The following ATP8B1 variants were observed in gnomAD, a reference collection of about 807,000 sequenced individuals.
The protein encoded by ATP8B1 is ATPase phospholipid transporting 8B1.
ATP8B1 carries 80 observed loss-of-function variants against 149.9 expected under a neutral mutation model. That is an observed-to-expected ratio of 0.53 (90% CI 0.45 to 0.64). ATP8B1 has a LOEUF of 0.64. Among genes scored for constraint, ATP8B1 ranks in the 30% least tolerant of loss-of-function variants. The pLI is 0.00. For synonymous variants in ATP8B1, 536 were observed against 562.8 expected (o/e 0.95, Z 0.67); for missense variants, 1,247 against 1,552.6 (o/e 0.80, Z 3.31).
intron 1 of ATP8B1, among the ~76,000 whole-genome samples, chr18:57,794,165 TG>T (rs2080488811): frequency 6.6e-6 from 1 of 152,232 alleles, no homozygotes; most frequent in Admixed American, 6.5e-5. Flanking sequence ...TGTTTTGTTT[TG>T]TTTTACTTTA....
chr18:57,799,616 C>T (rs941024913), intron 1 of ATP8B1, among the ~76,000 whole-genome samples: 15 of 149,284 alleles, frequency 1.0e-4, no homozygotes, highest in African/African-American at 3.5e-4. Context: ...GGCTGAGACA[C>T]GAGAATTGCT....
intron 13 of ATP8B1, among the ~76,000 whole-genome samples, chr18:57,686,345 G>C (rs1029155767): frequency 6.6e-6 from 1 of 151,854 alleles, no homozygotes; most frequent in Non-Finnish European, 1.5e-5. Flanking sequence ...TTTTTTGTTT[G>C]ATTTTTTTGA....
At chr18:57,800,700 GATA>G (rs2080565440) in intron 1 of ATP8B1, among the ~76,000 whole-genome samples, 1 of 152,206 alleles carries the variant, frequency 6.6e-6, no homozygotes, top group African/African-American at 2.4e-5. Context: ...CAAAGAGATT[GATA>G]ATATCTTTTC....
At chr18:57,683,920 A>T (rs1242873042) in intron 15 of ATP8B1, 116 bp downstream of exon 15, 1 of 1,324,336 alleles carries the variant, frequency 7.6e-7, no homozygotes. Context: ...TATTCACTGC[A>T]TTCTAATATG....
At chr18:57,773,341 T>C (rs922722131) in intron 1 of ATP8B1, among the ~76,000 whole-genome samples, 1 of 152,146 alleles carries the variant, frequency 6.6e-6, no homozygotes, top group African/African-American at 2.4e-5. Context: ...AGGCGGAGGC[T>C]AATAAGGTGG....
At chr18:57,742,462 T>G (rs1005622409) in intron 1 of ATP8B1, among the ~76,000 whole-genome samples, 2 of 152,096 alleles carry the variant, frequency 1.3e-5, no homozygotes, top group African/African-American at 4.8e-5. Context: ...TTACATATGA[T>G]AGAAAAGGCT....
intron 2 of ATP8B1, among the ~76,000 whole-genome samples, chr18:57,716,459 A>C (rs2079583858): frequency 6.6e-6 from 1 of 152,012 alleles, no homozygotes; most frequent in Non-Finnish European, 1.5e-5. Context: ...TACAACAGAC[A>C]CTCCACCTGG....
intron 24 of ATP8B1, among the ~76,000 whole-genome samples, chr18:57,653,591 G>T (rs317824): frequency 0.31 from 46,701 of 151,200 alleles, 7,289 homozygotes; most frequent in East Asian, 0.4. Flanking sequence ...CTGCCTTCAG[G>T]TATCTTCATA....
At chr18:57,756,204 T>C (rs879558233) in intron 1 of ATP8B1, among the ~76,000 whole-genome samples, 2,486 of 84,158 alleles carry the variant, frequency 0.03, 67 homozygotes, top group East Asian at 0.083. Flanking sequence ...TATATATATA[T>C]ATATATACAC....
At chr18:57,729,016 G>A (rs4940519) in intron 2 of ATP8B1, among the ~76,000 whole-genome samples, 20,871 of 151,958 alleles carry the variant, frequency 0.14, 1,582 homozygotes, top group South Asian at 0.27. Flanking sequence ...CGCCGCACCC[G>A]GCCAAGACTG....
chr18:57,743,341 C>A (rs1009784671), intron 1 of ATP8B1, among the ~76,000 whole-genome samples: 11 of 152,098 alleles, frequency 7.2e-5, no homozygotes, highest in African/African-American at 2.4e-4. Flanking sequence ...CACCTACTTC[C>A]CTCCCTTCCC....
In ATP8B1 at chr18:57,704,673, T is replaced by G. The variant is rs748557268; in HGVS notation, c.280-5A>C. The G allele has an allele frequency of 1.0e-5, 16 of 1,550,990 alleles. 1 individual carries two copies. In the South Asian group the frequency reaches 1.7e-4, roughly 16 times the overall value. On this transcript the variant is annotated splice_polypyrimidine_tract_variant and splice_region_variant and intron_variant, in intron 3 of 27. Transcript: ENST00000648908. ...GTATGTTTTAATTGCATTATTCTGT[T>G]GGAAAAAATAAGAGTCATTCTAAAT...
chr18:57,661,674 T>TACAAAC (rs1360057007), intron 21 of ATP8B1, among the ~76,000 whole-genome samples: 2 of 39,598 alleles, frequency 5.1e-5, no homozygotes, highest in South Asian at 2.2e-3. Context: ...TGTGTATGTA[T>TACAAAC]ATACACACAC....
Position 57,721,516 on chromosome 18 carries a change from G to C in ATP8B1, c.181+10111C>G, listed in dbSNP as rs547919141. On this transcript the variant is annotated intron_variant, in intron 2 of 27. Coordinates refer to ENST00000648908, the MANE Select transcript of ATP8B1 (RefSeq NM_001374385.1). ...AGACAAAGAAGGCCATTACATAATG[G>C]TAAAGGGATCAATTCGACAAGAAGA... Among the ~76,000 whole-genome samples the C allele has an allele frequency of 2.1e-3, 321 of 151,876 alleles. 2 individuals are homozygous for C. The highest frequency in any genetic ancestry group is 7.2e-3 in the African/African-American group (297 of 41,292).
chr18:57,713,200 C>CTTTTTCT, intron 2 of ATP8B1, among the ~76,000 whole-genome samples: 2 of 60,720 alleles, frequency 3.3e-5, no homozygotes, highest in African/African-American at 1.4e-4. Context: ...TCTTTCTTTC[C>CTTTTTCT]TTCCTTCCTT....
At chr18:57,706,400 A>G in intron 3 of ATP8B1, 90 bp downstream of exon 3, 1 of 1,014,880 alleles carries the variant, frequency 9.9e-7, no homozygotes, top group African/African-American at 1.6e-5. Context: ...GGTTACGTGG[A>G]AGGCAGGTGT....
chr18:57,675,173 A>T, intron 15 of ATP8B1, 151 bp from the exon 16 acceptor site: 1 of 731,574 alleles, frequency 1.4e-6, no homozygotes, highest in African/African-American at 1.8e-5. Flanking sequence ...TGGAAGGGTT[A>T]TGCCAAGATT....
chr18:57,733,942 T>C (rs2079819147), intron 1 of ATP8B1: 1 of 152,174 alleles, frequency 6.6e-6, no homozygotes, highest in African/African-American at 2.4e-5. Flanking sequence ...TTTTACCAAG[T>C]ATTATGTAAA....
intron 12 of ATP8B1, among the ~76,000 whole-genome samples, chr18:57,689,671 CAAAT>C (rs1912432895): frequency 6.6e-6 from 1 of 152,134 alleles, no homozygotes; most frequent in Admixed American, 6.5e-5. Flanking sequence ...TAGAGACAGA[CAAAT>C]AAATTAATAA....
Sources: allele counts gnomAD v4.1 joint callset (sites outside exome capture counted in the v4.1 genomes callset), GRCh38; gene constraint gnomAD v4.1.1; transcripts MANE v1.5; gene names NCBI Gene and HGNC (gene_info 2026-07-23, HGNC 2026-07-21).